Variants in NEGR1 observed in about 807,000 individuals in gnomAD.
NEGR1 encodes the protein IgLON family member 4.
Under a neutral mutation model 40.9 loss-of-function variants are expected in NEGR1, and 10 were observed. The ratio of observed to expected loss-of-function variants is 0.24; its 90% CI spans 0.15 to 0.42. NEGR1 has a LOEUF of 0.42. NEGR1 is among the 10% of genes least tolerant of loss of function. The pLI is 1.00. For missense variants in NEGR1, 352 were observed against 438.9 expected (o/e 0.80, Z 1.77); for synonymous variants, 185 against 166.8 (o/e 1.11, Z -0.84).
At chr1:71,771,359 G>T (rs1371374912) in intron 3 of NEGR1, among the ~76,000 whole-genome samples, 1 of 152,004 alleles carries the variant, frequency 6.6e-6, no homozygotes, top group East Asian at 1.9e-4. Flanking sequence ...ATGATGGGTT[G>T]ATGGGTGCAG....
At chr1:71,936,731 CT>C (rs994580675) in intron 1 of NEGR1, among the ~76,000 whole-genome samples, 1 of 152,092 alleles carries the variant, frequency 6.6e-6, no homozygotes, top group African/African-American at 2.4e-5. Context: ...ATGACAATTA[CT>C]GGATTTTAAG....
At chr1:71,856,913 C>T (rs530284587) in intron 2 of NEGR1, among the ~76,000 whole-genome samples, 26 of 151,930 alleles carry the variant, frequency 1.7e-4, no homozygotes, top group Non-Finnish European at 2.9e-4. Context: ...TTTCATGTAT[C>T]GTATTTATGT....
intron 2 of NEGR1, among the ~76,000 whole-genome samples, chr1:71,899,747 C>A (rs1193221711): frequency 3.3e-5 from 5 of 152,036 alleles, no homozygotes; most frequent in Non-Finnish European, 7.4e-5. Context: ...TTATCAGAAA[C>A]CATTTTATTT....
At chr1:71,616,599 A>G (rs1342961876) in intron 4 of NEGR1, among the ~76,000 whole-genome samples, 1 of 152,230 alleles carries the variant, frequency 6.6e-6, no homozygotes, top group Non-Finnish European at 1.5e-5. Flanking sequence ...GTGGCAAATA[A>G]GTTGAGGTAC....
chr1:72,211,839 CAG>C (rs1653619785), intron 1 of NEGR1, among the ~76,000 whole-genome samples: 1 of 151,678 alleles, frequency 6.6e-6, no homozygotes, highest in South Asian at 2.1e-4. Context: ...CTCTATAAAA[CAG>C]TCACTCTAGG....
chr1:71,918,315 C>T (rs971393565), intron 2 of NEGR1, among the ~76,000 whole-genome samples: 3 of 144,038 alleles, frequency 2.1e-5, no homozygotes, highest in Non-Finnish European at 4.5e-5. Flanking sequence ...AGCTCAAAAG[C>T]CCAAAAGCCT....
chr1:72,094,367 C>T (rs1648616569), intron 1 of NEGR1, among the ~76,000 whole-genome samples: 1 of 152,008 alleles, frequency 6.6e-6, no homozygotes, highest in Non-Finnish European at 1.5e-5. Flanking sequence ...GTATGGCTTA[C>T]AGAGGAAATA....
intron 1 of NEGR1, among the ~76,000 whole-genome samples, chr1:72,199,792 T>A (rs914802782): frequency 6.6e-6 from 1 of 151,784 alleles, no homozygotes; most frequent in East Asian, 1.9e-4. Flanking sequence ...CTAACAAATG[T>A]CTAATACCAA....
At chr1:71,676,772 T>C (rs926382596) in intron 4 of NEGR1, among the ~76,000 whole-genome samples, 2 of 152,170 alleles carry the variant, frequency 1.3e-5, no homozygotes, top group Non-Finnish European at 2.9e-5. Context: ...CCTTTATAGA[T>C]CATGGATGCA....
chr1:71,457,993 C>G (rs748703457), intron 6 of NEGR1, among the ~76,000 whole-genome samples: 4 of 152,120 alleles, frequency 2.6e-5, no homozygotes, highest in African/African-American at 4.8e-5. Flanking sequence ...TGAGCCACCA[C>G]GCCTGGCCAG....
chr1:72,019,075 T>C (rs1431448086), intron 1 of NEGR1, among the ~76,000 whole-genome samples: 2 of 152,146 alleles, frequency 1.3e-5, no homozygotes, highest in African/African-American at 2.4e-5. Context: ...TATGTCTTCA[T>C]GGGCTGGACA....
chr1:72,048,082 C>G (rs901894452), intron 1 of NEGR1, among the ~76,000 whole-genome samples: 1 of 151,526 alleles, frequency 6.6e-6, no homozygotes, highest in Non-Finnish European at 1.5e-5. Context: ...CTCCAATAGC[C>G]TTTCTATTTC....
At chr1:71,439,245 C>T (rs1553141752) in intron 6 of NEGR1, among the ~76,000 whole-genome samples, 1 of 152,064 alleles carries the variant, frequency 6.6e-6, no homozygotes, top group Non-Finnish European at 1.5e-5. Flanking sequence ...TTTACAAATC[C>T]CAAAACTGAG....
intron 1 of NEGR1, among the ~76,000 whole-genome samples, chr1:72,217,605 T>C (rs1653865327): frequency 6.6e-6 from 1 of 151,864 alleles, no homozygotes. Context: ...AATAATCATA[T>C]ATTCTATATA....
chr1:72,202,572 G>C lies in NEGR1; in HGVS notation c.176+79747C>G, dbSNP rs570142676. Among the ~76,000 whole-genome samples, 6 of 152,108 alleles carry C rather than the reference G, an allele frequency of 3.9e-5. No homozygotes were observed. In the East Asian group the frequency reaches 1.2e-3, roughly 29 times the overall value. On this transcript the variant is annotated intron_variant, in intron 1 of 6. Transcript: ENST00000357731. Reference sequence around the variant, plus strand: ...GCAATAGCTTTATTATGGATATAAAGAGTGTTTTAGTGGTCTGGATAGAAG... The same window carrying C: ...GCAATAGCTTTATTATGGATATAAACAGTGTTTTAGTGGTCTGGATAGAAG...
chr1:71,734,228 C>T (rs1028258070), intron 3 of NEGR1, among the ~76,000 whole-genome samples: 6 of 152,130 alleles, frequency 3.9e-5, no homozygotes, highest in African/African-American at 1.2e-4. Context: ...AAGTAAGACC[C>T]GCAGAATGGT....
intron 1 of NEGR1, among the ~76,000 whole-genome samples, chr1:72,019,218 GAAGA>G: frequency 6.6e-6 from 1 of 152,134 alleles, no homozygotes; most frequent in Non-Finnish European, 1.5e-5. Context: ...TGAAGAGACA[GAAGA>G]TAGATCTTAC....
At chr1:71,820,203 C>T (rs188361757) in intron 2 of NEGR1, among the ~76,000 whole-genome samples, 1 of 151,926 alleles carries the variant, frequency 6.6e-6, no homozygotes, top group Non-Finnish European at 1.5e-5. Context: ...AACAGACTGC[C>T]AACATGAGTA....
intron 4 of NEGR1, among the ~76,000 whole-genome samples, chr1:71,653,168 G>T (rs527827552): frequency 5.9e-4 from 90 of 152,230 alleles, no homozygotes; most frequent in East Asian, 2.3e-3. Flanking sequence ...TTTTAATAAA[G>T]GGATGAAGGA....
Sources: gnomAD v4.1 joint callset for allele counts (sites outside exome capture counted in the v4.1 genomes callset) on GRCh38, gnomAD v4.1.1 for gene constraint, MANE v1.5 for transcripts, NCBI Gene and HGNC (gene_info 2026-07-23, HGNC 2026-07-21) for gene names.